The following LIN52 variants were observed in gnomAD, a reference collection of about 807,000 sequenced individuals.
The protein encoded by LIN52 is lin-52 DREAM MuvB core complex component, also known as protein lin-52 homolog.
Under a neutral mutation model 18.5 loss-of-function variants are expected in LIN52, and 4 were observed. The observed-to-expected ratio is 0.22, with a 90% confidence interval of 0.11 to 0.49. LIN52 has a LOEUF of 0.49. Among genes scored for constraint, LIN52 ranks in the 20% least tolerant of loss-of-function variants. The pLI, the probability that LIN52 is intolerant of heterozygous loss-of-function variation, is 0.97. For synonymous variants in LIN52, 34 were observed against 45.5 expected (o/e 0.75, Z 1.02); for missense variants, 102 against 139.5 (o/e 0.73, Z 1.35).
chr14:74,197,378 T>A (rs2078920047), intron 5 of LIN52, among the ~76,000 whole-genome samples: 1 of 152,228 alleles, frequency 6.6e-6, no homozygotes, highest in Non-Finnish European at 1.5e-5. Flanking sequence ...AATGTTAACA[T>A]CTCTGATGAC....
At chr14:74,132,795 C>T (rs1331461744) in intron 5 of LIN52, among the ~76,000 whole-genome samples, 1 of 152,318 alleles carries the variant, frequency 6.6e-6, no homozygotes, top group Non-Finnish European at 1.5e-5. Flanking sequence ...GCGTGAGCCA[C>T]CGCGCCCAGC....
rs554467332 is a variant in LIN52 at position 74,188,359 on chromosome 14, A to G, written c.284-10563A>G. Among the ~76,000 whole-genome samples the G allele has an allele frequency of 8.5e-5, 13 of 152,206 alleles. No individual in the cohort carries two copies. In the South Asian group the frequency reaches 2.7e-3, roughly 32 times the overall value. ...ATGAAAAAATAGTGGCGTGAATAATACCCGCTCACAGCCCAAGACATTTGA... is the reference window on the plus strand; with the variant it reads ...ATGAAAAAATAGTGGCGTGAATAATGCCCGCTCACAGCCCAAGACATTTGA... On this transcript the variant is annotated intron_variant, in intron 5 of 5. Coordinates refer to ENST00000555028, the MANE Select transcript of LIN52 (RefSeq NM_001024674.3).
chr14:74,151,458 C>G (rs1351620130), intron 5 of LIN52, among the ~76,000 whole-genome samples: 1 of 151,994 alleles, frequency 6.6e-6, no homozygotes, highest in Non-Finnish European at 1.5e-5. Flanking sequence ...ACAAAGATGT[C>G]AGTGAAATTT....
At chr14:74,086,405 C>A (rs763865652) in intron 1 of LIN52, among the ~76,000 whole-genome samples, 2 of 152,076 alleles carry the variant, frequency 1.3e-5, no homozygotes, top group Non-Finnish European at 2.9e-5. Context: ...CTAATCCCAG[C>A]ACTTTGGGAG....
chr14:74,092,659 G>A (rs942053612), intron 2 of LIN52, among the ~76,000 whole-genome samples: 1 of 150,806 alleles, frequency 6.6e-6, no homozygotes, highest in Admixed American at 6.6e-5. Flanking sequence ...GTTCATGCCT[G>A]TAGTCCCAGC....
At chr14:74,191,928 C>T (rs952725645) in intron 5 of LIN52, among the ~76,000 whole-genome samples, 4 of 152,194 alleles carry the variant, frequency 2.6e-5, no homozygotes, top group Non-Finnish European at 5.9e-5. Context: ...AGCCACCGCG[C>T]CCGGCCACTA....
At chr14:74,122,030 G>A (rs1252143968) in intron 5 of LIN52, among the ~76,000 whole-genome samples, 1 of 152,126 alleles carries the variant, frequency 6.6e-6, no homozygotes, top group Non-Finnish European at 1.5e-5. Context: ...AGAGGTTGAG[G>A]AAGAAAAGAA....
At chr14:74,109,488 C>T (rs560544016) in intron 5 of LIN52, among the ~76,000 whole-genome samples, 10 of 152,218 alleles carry the variant, frequency 6.6e-5, no homozygotes, top group African/African-American at 2.2e-4. Flanking sequence ...ATTGGTTGGC[C>T]GTAAATGTGA....
At chr14:74,131,824 C>T (rs868363727) in intron 5 of LIN52, among the ~76,000 whole-genome samples, 12 of 152,142 alleles carry the variant, frequency 7.9e-5, no homozygotes, top group Middle Eastern at 6.8e-3. Context: ...GAAACTAAGA[C>T]CTAAAAGAAG....
At chr14:74,092,513 C>T (rs1301092141) in intron 2 of LIN52, among the ~76,000 whole-genome samples, 2 of 150,828 alleles carry the variant, frequency 1.3e-5, no homozygotes, top group Admixed American at 1.3e-4. Flanking sequence ...GCCATGTTGG[C>T]CAGGCTGGTC....
At chr14:74,117,387 G>C (rs1421680307) in intron 5 of LIN52, among the ~76,000 whole-genome samples, 1 of 152,172 alleles carries the variant, frequency 6.6e-6, no homozygotes, top group Non-Finnish European at 1.5e-5. Flanking sequence ...TAAGTACTCA[G>C]TAGGAGCAAA....
chr14:74,101,278 C>T (rs2139877386), intron 5 of LIN52, 40 bp downstream of exon 5: 1 of 1,446,662 alleles, frequency 6.9e-7, no homozygotes, highest in East Asian at 2.4e-5. Context: ...GTGTATTCCA[C>T]CCTGAGCTGT....
At chr14:74,148,036 T>C (rs781541457) in intron 5 of LIN52, among the ~76,000 whole-genome samples, 4 of 152,156 alleles carry the variant, frequency 2.6e-5, no homozygotes, top group Non-Finnish European at 1.5e-5. Context: ...TTAAAAGTTA[T>C]ATGAGAAAAG....
intron 5 of LIN52, among the ~76,000 whole-genome samples, chr14:74,119,160 C>CTTTTTTTTTTT (rs543503099): frequency 8.7e-6 from 1 of 115,446 alleles, no homozygotes; most frequent in South Asian, 3.1e-4. Flanking sequence ...GATTTTCTTT[C>CTTTTTTTTTTT]TTTTTTTTTT....
chr14:74,173,430 G>T (rs905126394), intron 5 of LIN52, among the ~76,000 whole-genome samples: 3 of 152,048 alleles, frequency 2.0e-5, no homozygotes, highest in Middle Eastern at 3.2e-3. Flanking sequence ...CAGGTGATCC[G>T]CCCGCCTTGG....
At chr14:74,088,371 G>A (rs1012384243) in intron 1 of LIN52, among the ~76,000 whole-genome samples, 2 of 151,806 alleles carry the variant, frequency 1.3e-5, no homozygotes, top group Admixed American at 6.6e-5. Flanking sequence ...GATTACAGGC[G>A]TGAGCCACCA....
At position 74,200,413 on chromosome 14, in the gene LIN52, A is replaced by AG. The variant is rs1268207462; in HGVS notation, c.*1437dup. ...GGGCAACAGAGTGAGACTCTGTCTC[A>AG]GAAAAAAAAAAAAAAAAAAAAAAAA... is the stretch of plus-strand genomic sequence containing the variant. On this transcript the variant is annotated 3_prime_UTR_variant, in exon 6 of 6. Transcript: ENST00000555028. 2 of 41,316 alleles carry AG rather than the reference A, an allele frequency of 4.8e-5. No homozygotes were observed. Among genetic ancestry groups the AG allele is most frequent in the African/African-American group, 1.4e-4 (2 of 13,942 alleles). 2.6% of individuals were successfully genotyped at this position (41,316 alleles called of 1,614,324 possible). A position where few individuals can be genotyped will look rare whatever the true frequency, so the allele number is the denominator to read the frequency against.
intron 5 of LIN52, among the ~76,000 whole-genome samples, chr14:74,154,384 A>G (rs892621828): frequency 1.3e-5 from 2 of 152,218 alleles, no homozygotes; most frequent in Non-Finnish European, 2.9e-5. Context: ...AATGAGCTCT[A>G]TAAGGAAGGC....
At chr14:74,127,137 T>C (rs2061033843) in intron 5 of LIN52, among the ~76,000 whole-genome samples, 1 of 152,238 alleles carries the variant, frequency 6.6e-6, no homozygotes, top group Admixed American at 6.5e-5. Context: ...CAGAGTACTA[T>C]GCTAGGCAGC....
Sources: gnomAD v4.1 joint callset for allele counts (sites outside exome capture counted in the v4.1 genomes callset) on GRCh38, gnomAD v4.1.1 for gene constraint, MANE v1.5 for transcripts, NCBI Gene and HGNC (gene_info 2026-07-23, HGNC 2026-07-21) for gene names.